Variants in SEPTIN7 observed in about 807,000 individuals in gnomAD.
SEPTIN7 encodes septin-7.
In SEPTIN7, 10 loss-of-function variants were observed where a neutral mutation model predicts 63.3. That is an observed-to-expected ratio of 0.16 (90% CI 0.10 to 0.27). The LOEUF (loss-of-function observed/expected upper bound fraction) is 0.27. Ranked by LOEUF, SEPTIN7 falls within the 10% of genes least tolerant of loss-of-function variation. The pLI, the probability that SEPTIN7 is intolerant of heterozygous loss-of-function variation, is 1.00. For missense variants in SEPTIN7, 310 were observed against 521.0 expected (o/e 0.59, Z 3.94); for synonymous variants, 131 against 165.3 (o/e 0.79, Z 1.59).
intron 3 of SEPTIN7, among the ~76,000 whole-genome samples, chr7:35,839,232 G>GA (rs1303507855): frequency 1.3e-5 from 2 of 151,846 alleles, no homozygotes; most frequent in East Asian, 3.9e-4. Flanking sequence ...ACTAAAAAGA[G>GA]AAAAAAAGGA....
chr7:35,896,593 A>C (rs528620649), intron 11 of SEPTIN7, among the ~76,000 whole-genome samples: 138 of 152,316 alleles, frequency 9.1e-4, no homozygotes, highest in Middle Eastern at 3.4e-3. Flanking sequence ...TAATATGAGG[A>C]GTATATTATT....
rs1254483007 is a variant in SEPTIN7, at chr7:35,885,857, A to G, written c.850A>G (p.Ile284Val). Residue 284 changes from isoleucine to valine, a missense_variant, in exon 10 of 14, where the codon ATC (isoleucine) becomes GTC (valine). This residue lies in a region of SEPTIN7 where 255 missense variants were observed against 490.5 expected (regional missense o/e 0.52). Coordinates refer to ENST00000350320, the MANE Select transcript of SEPTIN7 (RefSeq NM_001788.6). ...VENGEHCDFT[I>V]LRNMLIRTHM... ...AAATGGTGAACATTGTGATTTTACA[A>G]TCCTAAGAAATATGTTGATAAGGTA... is the stretch of plus-strand genomic sequence containing the variant. 5 of 1,605,160 alleles carry G rather than the reference A, an allele frequency of 3.1e-6. No individual in the cohort carries two copies. The African/African-American group carries it at 4.0e-5, about 13-fold the overall frequency.
intron 1 of SEPTIN7, among the ~76,000 whole-genome samples, chr7:35,815,433 C>T (rs555737656): frequency 2.6e-5 from 4 of 152,200 alleles, no homozygotes; most frequent in East Asian, 1.9e-4. Context: ...ACTGGTACAT[C>T]GATTCCAATC....
intron 3 of SEPTIN7, among the ~76,000 whole-genome samples, chr7:35,858,377 GAC>G (rs1253266373): frequency 6.6e-6 from 1 of 151,932 alleles, no homozygotes; most frequent in Non-Finnish European, 1.5e-5. Flanking sequence ...CTTTTTTTGA[GAC>G]AGAGTCTAGC....
At position 35,811,029 on chromosome 7, in the gene SEPTIN7, A is replaced by G. The variant is rs1221389288; in HGVS notation, c.61+9759A>G. On this transcript the variant is annotated intron_variant, in intron 1 of 13. Transcript: ENST00000350320. ...GGCAATCTGCCCACCTTGGCCTCCC[A>G]AAGTGCTGGGATTACAGGCATGAGC... is the stretch of plus-strand genomic sequence containing the variant. Among the ~76,000 whole-genome samples, 5 of 152,246 alleles carry G rather than the reference A, an allele frequency of 3.3e-5. No homozygotes were observed. The East Asian group carries it at 5.8e-4, about 18-fold the overall frequency.
intron 10 of SEPTIN7, among the ~76,000 whole-genome samples, chr7:35,889,005 G>A (rs1787466182): frequency 6.6e-6 from 1 of 152,034 alleles, no homozygotes; most frequent in Non-Finnish European, 1.5e-5. Flanking sequence ...TATCTGCATT[G>A]GGATGCAAAA....
intron 3 of SEPTIN7, among the ~76,000 whole-genome samples, chr7:35,848,498 C>T (rs1784806545): frequency 6.6e-6 from 1 of 152,040 alleles, no homozygotes; most frequent in Admixed American, 6.6e-5. Flanking sequence ...TCTTGATCTC[C>T]TGACCTCGTG....
chr7:35,846,094 A>T (rs1162243772), intron 3 of SEPTIN7, among the ~76,000 whole-genome samples: 1 of 152,190 alleles, frequency 6.6e-6, no homozygotes, highest in Non-Finnish European at 1.5e-5. Flanking sequence ...TTTAAGAGAG[A>T]GGACATCACC....
intron 4 of SEPTIN7, among the ~76,000 whole-genome samples, chr7:35,868,832 G>GA (rs1785973291): frequency 1.3e-5 from 2 of 152,118 alleles, no homozygotes; most frequent in Non-Finnish European, 2.9e-5. Context: ...TTAGCTTTAG[G>GA]AAAAAGATAT....
In SEPTIN7 at chr7:35,801,231, G is replaced by T; in HGVS notation, c.22G>T (p.Ala8Ser). 2 of 1,533,786 alleles carry T rather than the reference G, an allele frequency of 1.3e-6. No individual in the cohort carries two copies. Among genetic ancestry groups the T allele is most frequent in the East Asian group, 2.6e-5 (1 of 38,030 alleles). Residue 8 changes from alanine to serine, a missense_variant, in exon 1 of 14, where the codon GCT (alanine) becomes TCT (serine). Around this residue, in one of 2 missense-constraint regions of SEPTIN7, gnomAD observed 55 missense variants for 30.5 expected, o/e 1.80. Transcript: ENST00000350320. ...GGGGATGTCGGTCAGTGCGAGATCCGCTGCTGCTGAGGAGAGGAGCGTCAA... is the reference window on the plus strand; with the variant it reads ...GGGGATGTCGGTCAGTGCGAGATCCTCTGCTGCTGAGGAGAGGAGCGTCAA... Reference protein sequence around the residue: MSVSARSAAAEERSVNSS... With the variant: MSVSARSSAAEERSVNSS...
At chr7:35,803,111 A>G in intron 1 of SEPTIN7, 1 of 922,782 alleles carries the variant, frequency 1.1e-6, no homozygotes, top group African/African-American at 1.8e-5. Flanking sequence ...CTTATCCTTT[A>G]AAAAGAAAGG....
chr7:35,845,624 A>G (rs1363120496), intron 3 of SEPTIN7, among the ~76,000 whole-genome samples: 1 of 152,148 alleles, frequency 6.6e-6, no homozygotes, highest in Non-Finnish European at 1.5e-5. Context: ...ATGACTTTTT[A>G]CCTGTCTATT....
At chr7:35,892,156 C>CT (rs1787687852) in intron 11 of SEPTIN7, among the ~76,000 whole-genome samples, 1 of 152,050 alleles carries the variant, frequency 6.6e-6, no homozygotes, top group Non-Finnish European at 1.5e-5. Flanking sequence ...TACAATTAGA[C>CT]GATAATCCTG....
chr7:35,874,652 A>G lies in SEPTIN7; in HGVS notation c.512+877A>G, dbSNP rs115478992. 5.7e-3 allele frequency among the ~76,000 whole-genome samples: 874 copies of G among 152,124 alleles called. 8 individuals are homozygous for G. The highest frequency in any genetic ancestry group is 0.02 in the African/African-American group (818 of 41,528). On this transcript the variant is annotated intron_variant, in intron 6 of 13. Coordinates refer to ENST00000350320, the MANE Select transcript of SEPTIN7 (RefSeq NM_001788.6). ...TCCTTCAAGTATACCTTTCTCTTCT[A>G]TTTTTGGCTTCTTGCTCTCTTTTAC...
intron 3 of SEPTIN7, 91 bp from the exon 4 acceptor site, chr7:35,863,461 C>A: frequency 4.3e-6 from 3 of 691,562 alleles, no homozygotes; most frequent in Admixed American, 2.7e-5. Flanking sequence ...GAAGTACTTG[C>A]ATAAGGCAAG....
At chr7:35,829,096 A>G (rs1783674073) in intron 1 of SEPTIN7, among the ~76,000 whole-genome samples, 1 of 133,700 alleles carries the variant, frequency 7.5e-6, no homozygotes, top group African/African-American at 2.9e-5. Context: ...CCCCTTGTCC[A>G]CTACTTCACT....
chr7:35,888,059 G>A (rs1332773471), intron 10 of SEPTIN7, among the ~76,000 whole-genome samples: 4 of 152,288 alleles, frequency 2.6e-5, no homozygotes, highest in Middle Eastern at 3.4e-3. Context: ...CGATGGAAAG[G>A]AGGAAAACTA....
intron 7 of SEPTIN7, among the ~76,000 whole-genome samples, chr7:35,880,298 T>C (rs780961470): frequency 6.7e-6 from 1 of 149,166 alleles, no homozygotes; most frequent in Non-Finnish European, 1.5e-5. Flanking sequence ...TCAAAGGCTA[T>C]GATTGTTTTT....
At position 35,898,251 on chromosome 7, in the gene SEPTIN7, C is replaced by T. The variant is rs558019146; in HGVS notation, c.1002C>T (p.Ser334=). ...NNKNKGQLTK[S]PLAQMEEERR... ...TTACCCTTAATATTCGTGACAGGAGCCCTCTGGCACAAATGGAAGAAGAAA... is the reference window on the plus strand; with the variant it reads ...TTACCCTTAATATTCGTGACAGGAGTCCTCTGGCACAAATGGAAGAAGAAA... Residue 334 remains serine, a synonymous_variant, in exon 12 of 14, where the codon AGC becomes AGT. Coordinates refer to ENST00000350320, the MANE Select transcript of SEPTIN7 (RefSeq NM_001788.6). 8.8e-5 allele frequency: 135 copies of T among 1,537,876 alleles called. No individual in the cohort carries two copies. In the East Asian group the frequency reaches 2.8e-3, roughly 32 times the overall value.
Sources: gnomAD v4.1 joint callset for allele counts (sites outside exome capture counted in the v4.1 genomes callset) on GRCh38, gnomAD v4.1.1 for gene constraint, gnomAD v4.1.1 regional missense constraint, MANE v1.5 for transcripts, NCBI Gene and HGNC (gene_info 2026-07-23, HGNC 2026-07-21) for gene names.